The following ANKRD45 variants were observed in gnomAD, a reference collection of about 807,000 sequenced individuals.
ANKRD45 encodes ankyrin repeat domain-containing protein 45.
A neutral mutation model predicts 28.1 loss-of-function variants in ANKRD45; 21 were observed. That is an observed-to-expected ratio of 0.75 (90% CI 0.53 to 1.08). The LOEUF (loss-of-function observed/expected upper bound fraction) is 1.08. ANKRD45 is among the 50% of genes least tolerant of loss of function. The pLI is 0.00. For synonymous variants in ANKRD45, 86 were observed against 103.9 expected, an observed-to-expected ratio of 0.83 and a Z score of 1.05; for missense variants, 261 against 308.7, an observed-to-expected ratio of 0.85 and a Z score of 1.16.
chr1:173,703,521 A>G, the ANKRD45 span, among the ~76,000 whole-genome samples: 1 of 152,018 alleles, frequency 6.6e-6, no homozygotes, highest in Admixed American at 6.5e-5. Flanking sequence ...GTCCATTCTT[A>G]TACATCCATT....
chr1:173,701,348 T>C, the ANKRD45 span, among the ~76,000 whole-genome samples: 1 of 152,232 alleles, frequency 6.6e-6, no homozygotes, highest in Admixed American at 6.5e-5. Context: ...TAAATCATGC[T>C]ACTATAAAGA....
chr1:173,613,566 C>CCCCG (rs1667308713), intron 5 of ANKRD45, among the ~76,000 whole-genome samples: 2 of 148,950 alleles, frequency 1.3e-5, no homozygotes, highest in African/African-American at 5.0e-5. Flanking sequence ...GGGTCAGCCC[C>CCCCG]CCCCCCGGCC....
the ANKRD45 span, among the ~76,000 whole-genome samples, chr1:173,711,258 G>A: frequency 6.6e-6 from 1 of 152,306 alleles, no homozygotes; most frequent in African/African-American, 2.4e-5. Flanking sequence ...TTTTGCCAAG[G>A]TTGAGGATGC....
intron 2 of ANKRD45, among the ~76,000 whole-genome samples, chr1:173,653,758 C>T (rs1229905550): frequency 6.6e-6 from 1 of 151,944 alleles, no homozygotes; most frequent in Admixed American, 6.6e-5. Flanking sequence ...TCTCTAAGGA[C>T]CTGCTTTATG....
At chr1:173,709,560 G>A in the ANKRD45 span, among the ~76,000 whole-genome samples, 19 of 152,164 alleles carry the variant, frequency 1.2e-4, no homozygotes, top group Non-Finnish European at 2.2e-4. Context: ...GAAGACTTAG[G>A]GCCATCTTAA....
the ANKRD45 span, among the ~76,000 whole-genome samples, chr1:173,675,120 G>A: frequency 6.6e-6 from 1 of 152,080 alleles, no homozygotes; most frequent in African/African-American, 2.4e-5. Context: ...CCATATATTA[G>A]TAGGCAGGTA....
intron 1 of ANKRD45, among the ~76,000 whole-genome samples, chr1:173,664,853 GCTT>G (rs1315696325): frequency 6.6e-6 from 1 of 152,050 alleles, no homozygotes. Context: ...AATTCCCAGT[GCTT>G]TTTTTCATAG....
chr1:173,654,430 T>C (rs781223141), intron 2 of ANKRD45, among the ~76,000 whole-genome samples: 4 of 152,236 alleles, frequency 2.6e-5, no homozygotes, highest in Non-Finnish European at 5.9e-5. Flanking sequence ...TGGCCCCCAC[T>C]CTCTACTGGC....
At chr1:173,619,465 C>T (rs550129524) in intron 5 of ANKRD45, among the ~76,000 whole-genome samples, 3 of 152,132 alleles carry the variant, frequency 2.0e-5, no homozygotes, top group African/African-American at 7.2e-5. Context: ...AAATGGAAAA[C>T]AGGAAAAAAG....
chr1:173,673,428 A>C (rs773011379), upstream of ANKRD45, among the ~76,000 whole-genome samples: 1 of 152,076 alleles, frequency 6.6e-6, no homozygotes, highest in East Asian at 1.9e-4. Flanking sequence ...TCTATACTTC[A>C]TAGACTGAGT....
the ANKRD45 span, among the ~76,000 whole-genome samples, chr1:173,710,890 A>G: frequency 2.0e-5 from 3 of 152,142 alleles, no homozygotes; most frequent in African/African-American, 4.8e-5. Flanking sequence ...ATGCCTGGCT[A>G]GCCACCTACT....
At chr1:173,649,515 A>G (rs1436959959) in intron 2 of ANKRD45, among the ~76,000 whole-genome samples, 2 of 152,128 alleles carry the variant, frequency 1.3e-5, no homozygotes, top group Admixed American at 1.3e-4. Context: ...GCATGTTCCT[A>G]TCCTCTGCCT....
intron 2 of ANKRD45, among the ~76,000 whole-genome samples, chr1:173,652,188 A>G (rs1669260213): frequency 6.6e-6 from 1 of 152,114 alleles, no homozygotes; most frequent in African/African-American, 2.4e-5. Context: ...TTCAAAGGGA[A>G]TGCTTCCAGT....
At chr1:173,614,538 TC>T (rs1235280280) in intron 5 of ANKRD45, among the ~76,000 whole-genome samples, 3 of 152,126 alleles carry the variant, frequency 2.0e-5, no homozygotes, top group Non-Finnish European at 4.4e-5. Flanking sequence ...TTCCAACATT[TC>T]CATTTAACAT....
At chr1:173,704,261 T>C in the ANKRD45 span, among the ~76,000 whole-genome samples, 1 of 152,208 alleles carries the variant, frequency 6.6e-6, no homozygotes, top group Admixed American at 6.5e-5. Context: ...GATCCCACTC[T>C]TTCCCAACTA....
At position 173,624,791 on chromosome 1, in the gene ANKRD45, T is replaced by G; in HGVS notation, c.726A>C (p.Thr242=). The G allele has an allele frequency of 6.2e-7, 1 of 1,613,090 alleles. No homozygotes were observed. The highest frequency in any genetic ancestry group is 1.7e-5 in the Admixed American group (1 of 59,850). The change falls in exon 5 of 6, where the codon ACA becomes ACC. Residue 242 remains threonine (T), a synonymous_variant. Coordinates refer to ENST00000333279, the MANE Select transcript of ANKRD45 (RefSeq NM_198493.3). ...IVTPIFTKMT[T]PCQVKSAKSV... ...CACCTTTTATCCAAAACTTACATGGTGTAGTCATTTTTGTGAAGATAGGAG... is the reference window on the plus strand; with the variant it reads ...CACCTTTTATCCAAAACTTACATGGGGTAGTCATTTTTGTGAAGATAGGAG...
intron 5 of ANKRD45, among the ~76,000 whole-genome samples, chr1:173,613,889 G>A (rs1667343214): frequency 6.6e-6 from 1 of 152,250 alleles, no homozygotes; most frequent in South Asian, 2.1e-4. Context: ...GTAGAAAGAA[G>A]TAGACATGGG....
intron 2 of ANKRD45, among the ~76,000 whole-genome samples, chr1:173,651,274 G>A (rs145451807): frequency 9.6e-4 from 146 of 152,280 alleles, no homozygotes; most frequent in Admixed American, 3.2e-3. Context: ...TTAGCATAAG[G>A]TGTAAGGAAG....
intron 5 of ANKRD45, among the ~76,000 whole-genome samples, chr1:173,620,740 TA>T (rs1026688459): frequency 3.7e-3 from 493 of 132,474 alleles, no homozygotes; most frequent in Non-Finnish European, 4.0e-3. Flanking sequence ...ACTTAAAGTA[TA>T]AAAAAAAAAA....
Sources: gnomAD v4.1 joint callset for allele counts (sites outside exome capture counted in the v4.1 genomes callset) on GRCh38, gnomAD v4.1.1 for gene constraint, MANE v1.5 for transcripts, NCBI Gene and HGNC (gene_info 2026-07-23, HGNC 2026-07-21) for gene names.